EIF2D: variants seen among roughly 807,000 people sequenced by gnomAD.
EIF2D encodes the protein hepatocellular carcinoma-associated antigen 56.
A neutral mutation model predicts 77.4 loss-of-function variants in EIF2D; 56 were observed. The ratio of observed to expected loss-of-function variants is 0.72; its 90% CI spans 0.58 to 0.90. The LOEUF is 0.90. Ranked by LOEUF, EIF2D falls within the 40% of genes least tolerant of loss-of-function variation. The probability of loss-of-function intolerance (pLI) is 0.00; values close to 1 mark genes in which losing one functional copy is unlikely to be tolerated. For missense variants in EIF2D, 574 were observed against 706.5 expected (o/e 0.81, Z 2.13); for synonymous variants, 230 against 271.0 (o/e 0.85, Z 1.49).
intron 5 of EIF2D, among the ~76,000 whole-genome samples, chr1:206,571,717 G>C (rs1553404213): frequency 6.6e-6 from 1 of 152,230 alleles, no homozygotes; most frequent in Non-Finnish European, 1.5e-5. Context: ...AATTCTGTCA[G>C]ATGTAGAGAA....
chr1:206,573,042 G>A (rs546773353), intron 4 of EIF2D, among the ~76,000 whole-genome samples: 1 of 152,366 alleles, frequency 6.6e-6, no homozygotes, highest in East Asian at 1.9e-4. Flanking sequence ...TGATGGTGAT[G>A]ATGATAATTT....
chr1:206,593,104 C>A (rs977740948), intron 14 of EIF2D, among the ~76,000 whole-genome samples: 2 of 113,646 alleles, frequency 1.8e-5, no homozygotes. Context: ...GAGCGAGATT[C>A]TGTTTCAAAA....
downstream of EIF2D, chr1:206,586,877 A>G (rs1669139592): frequency 6.2e-7 from 1 of 1,614,098 alleles, no homozygotes. Flanking sequence ...AATCCTGGAA[A>G]AAGAGGAGCA....
chr1:206,608,607 G>C (rs1437248498), intron 3 of EIF2D, among the ~76,000 whole-genome samples: 8 of 152,240 alleles, frequency 5.3e-5, no homozygotes, highest in Non-Finnish European at 1.2e-4. Flanking sequence ...GCCGGGCGCA[G>C]TGCCTTATGC....
chr1:206,576,058 C>T (rs782635805), intron 4 of EIF2D, among the ~76,000 whole-genome samples: 11 of 152,194 alleles, frequency 7.2e-5, no homozygotes, highest in African/African-American at 2.4e-4. Context: ...TTCAGCCAAG[C>T]GGGGTGCCAA....
At chr1:206,606,616 C>A (rs1224450649) in intron 4 of EIF2D, among the ~76,000 whole-genome samples, 1 of 152,128 alleles carries the variant, frequency 6.6e-6, no homozygotes, top group African/African-American at 2.4e-5. Flanking sequence ...TACAGGTAAA[C>A]AGAAGTTTCT....
rs1668726417 is a variant in EIF2D, at chr1:206,578,191, A to G, written c.*254+2501T>C. Among the ~76,000 whole-genome samples the G allele has an allele frequency of 2.0e-5, 3 of 150,114 alleles. No homozygotes were observed. In the South Asian group the frequency reaches 6.3e-4, roughly 32 times the overall value. On this transcript the variant is annotated intron_variant and NMD_transcript_variant, in intron 4 of 5. Coordinates refer to the EIF2D transcript ENST00000472709. ...CAGTGAGTTGTGATTGCACCAGTGC[A>G]CTCTCGACTGGGTGACAGAGGGAGA...
At position 206,592,205 on chromosome 1, in the gene EIF2D, A is replaced by C. The variant is rs1049876916; in HGVS notation, c.1685-360T>G. On this transcript the variant is annotated intron_variant, in intron 14 of 14. Coordinates refer to ENST00000271764, the MANE Select transcript of EIF2D (RefSeq NM_006893.3). This position sits in a 1 kb window ranked among gnomAD's most constrained non-coding sequence, Gnocchi z 4.7. ...GTCAGGTACTGCCATAGGCCATGGAATACATTTGCCTAAATGAGCACTTAC... is the reference window on the plus strand; with the variant it reads ...GTCAGGTACTGCCATAGGCCATGGACTACATTTGCCTAAATGAGCACTTAC... 6.6e-6 allele frequency among the ~76,000 whole-genome samples: 1 copy of C among 152,250 alleles called. No individual in the cohort carries two copies. Among genetic ancestry groups the C allele is most frequent in the African/African-American group, 2.4e-5 (1 of 41,462 alleles).
intron 12 of EIF2D, among the ~76,000 whole-genome samples, chr1:206,596,568 A>T (rs1269082670): frequency 6.6e-6 from 1 of 152,228 alleles, no homozygotes; most frequent in African/African-American, 2.4e-5. Context: ...AAGAAGGAAT[A>T]TTAAAAATTT....
At chr1:206,585,391 C>T (rs565715370) in intron 2 of EIF2D, 28 of 856,770 alleles carry the variant, frequency 3.3e-5, no homozygotes, top group African/African-American at 3.0e-4. Flanking sequence ...GTGGGAGCCA[C>T]GCAGCACGGG....
rs1669049408 is a variant in EIF2D, at chr1:206,584,921, T to C, written c.139-3759A>G. On this transcript the variant is annotated intron_variant and NMD_transcript_variant, in intron 2 of 5. Coordinates refer to the EIF2D transcript ENST00000472709. This position sits in a 1 kb window ranked among gnomAD's most constrained non-coding sequence, Gnocchi z 4.9. ...CCCTAGGCTCCCATTTCCTGATCTG[T>C]GCAATGGGAGGAATCTGCCCCACCA... 1.6e-6 allele frequency: 1 copy of C among 608,512 alleles called. No homozygotes were observed. Among genetic ancestry groups the C allele is most frequent in the Non-Finnish European group, 2.9e-6 (1 of 344,722 alleles). The allele number at this position is 608,512 out of a possible 1,614,324, so 37.7% of individuals were successfully genotyped here.
intron 4 of EIF2D, among the ~76,000 whole-genome samples, chr1:206,573,044 T>C (rs566696423): frequency 1.3e-5 from 2 of 152,346 alleles, no homozygotes; most frequent in South Asian, 4.1e-4. Flanking sequence ...ATGGTGATGA[T>C]GATAATTTGG....
intron 13 of EIF2D, 119 bp downstream of exon 13, chr1:206,595,599 T>C (rs917937194): frequency 7.6e-7 from 1 of 1,314,864 alleles, no homozygotes; most frequent in Non-Finnish European, 1.0e-6. Flanking sequence ...GGGTGTTTCA[T>C]AAAAAAATCT....
At position 206,609,398 on chromosome 1, in the gene EIF2D, G is replaced by C. The variant is rs782810050; in HGVS notation, c.309C>G (p.Leu103=). 4 of 1,614,058 alleles carry C rather than the reference G, an allele frequency of 2.5e-6. No individual in the cohort carries two copies. The highest frequency in any genetic ancestry group is 1.3e-5 in the African/African-American group (1 of 74,920). ...LPTFTTWPLV[L]EKLVGGADLM... ...TACCTGCTCCCCCTACCAGTTTCTC[G>C]AGCACCAGAGGCCATGTTGTAAAGG... Residue 103 remains leucine (L), a synonymous_variant, in exon 3 of 15, where the codon CTC becomes CTG. Transcript: ENST00000271764.
chr1:206,584,976 G>A lies in EIF2D; in HGVS notation c.139-3814C>T. ...TAATCTTTCAGGAGATGATGTGAAT[G>A]GAATCATGCTTTAAACTCTGAGCAG... On this transcript the variant is annotated intron_variant and NMD_transcript_variant, in intron 2 of 5. Transcript: ENST00000472709. The surrounding 1 kb of genome is among the most constrained non-coding windows in gnomAD (Gnocchi z 4.9). 1.6e-6 allele frequency: 1 copy of A among 608,568 alleles called. No individual in the cohort carries two copies. The highest frequency in any genetic ancestry group is 2.9e-6 in the Non-Finnish European group (1 of 343,240). The allele number at this position is 608,568 out of a possible 1,614,324, so 37.7% of individuals were successfully genotyped here. A position where few individuals can be genotyped will look rare whatever the true frequency, so the allele number is the denominator to read the frequency against.
In EIF2D at chr1:206,582,288, T is replaced by C. The variant is rs144966319; in HGVS notation, c.139-1126A>G. 7.9e-5 allele frequency among the ~76,000 whole-genome samples: 12 copies of C among 152,288 alleles called. No individual in the cohort carries two copies. In the East Asian group the frequency reaches 2.3e-3, roughly 29 times the overall value. ...TCTCCTCAATTTCATTGTTCACTTA[T>C]CCTTCCCAGGGGGTGGGAGGAGGAG... On this transcript the variant is annotated intron_variant and NMD_transcript_variant, in intron 2 of 5. Coordinates refer to the EIF2D transcript ENST00000472709.
At chr1:206,608,355 G>T in intron 3 of EIF2D, 29 bp from the exon 4 acceptor site, 1 of 1,584,468 alleles carries the variant, frequency 6.3e-7, no homozygotes, top group Non-Finnish European at 8.6e-7. Flanking sequence ...ATCACAACCT[G>T]CATTCAGCCT....
chr1:206,574,935 A>C (rs782014518), intron 4 of EIF2D, among the ~76,000 whole-genome samples: 2 of 147,552 alleles, frequency 1.4e-5, no homozygotes, highest in East Asian at 2.0e-4. Context: ...TCTTGGCTCA[A>C]TGCAACCTCT....
chr1:206,576,562 A>G (rs1006687086), intron 4 of EIF2D, among the ~76,000 whole-genome samples: 7 of 152,368 alleles, frequency 4.6e-5, no homozygotes, highest in African/African-American at 1.7e-4. Flanking sequence ...AGGAAGTATG[A>G]TTCAGGAGAA....
Sources: gnomAD v4.1 joint callset for allele counts (sites outside exome capture counted in the v4.1 genomes callset) on GRCh38, gnomAD v4.1.1 for gene constraint, Gnocchi (gnomAD v3.1) non-coding constraint, MANE v1.5 for transcripts, NCBI Gene and HGNC (gene_info 2026-07-23, HGNC 2026-07-21) for gene names.